Variants in HSD17B12 observed in about 807,000 individuals in gnomAD.
The protein encoded by HSD17B12 is hydroxysteroid 17-beta dehydrogenase 12, also known as very-long-chain 3-oxoacyl-CoA reductase.
HSD17B12 carries 32 observed loss-of-function variants against 39.3 expected under a neutral mutation model. The ratio of observed to expected loss-of-function variants is 0.81; its 90% CI spans 0.61 to 1.09. HSD17B12 has a LOEUF of 1.09. HSD17B12 is among the 50% of genes least tolerant of loss of function. HSD17B12 has a pLI of 0.00. For synonymous variants in HSD17B12, 150 were observed against 146.7 expected (o/e 1.02, Z -0.16); for missense variants, 342 against 382.9 (o/e 0.89, Z 0.89).
chr11:43,562,541 T>C, the HSD17B12 span, among the ~76,000 whole-genome samples: 1 of 152,246 alleles, frequency 6.6e-6, no homozygotes, highest in African/African-American at 2.4e-5. Context: ...CAAATGTCTA[T>C]CACTTTTATT....
intron 1 of HSD17B12, chr11:43,734,556 C>T: frequency 1.8e-6 from 1 of 546,692 alleles, no homozygotes. Context: ...GCCCCTCCAG[C>T]TGCCCCAGTG....
chr11:43,835,279 G>A (rs1037835291), intron 7 of HSD17B12, among the ~76,000 whole-genome samples: 6 of 152,068 alleles, frequency 3.9e-5, no homozygotes, highest in Admixed American at 1.3e-4. Flanking sequence ...CTGGTTTGAC[G>A]TCACTAATTC....
At chr11:43,854,276 C>CA (rs1344888234) in intron 9 of HSD17B12, 1 of 154,294 alleles carries the variant, frequency 6.5e-6, no homozygotes, top group East Asian at 1.9e-4. Flanking sequence ...GCTGATAGAA[C>CA]AAGCTTAATT....
the HSD17B12 span, among the ~76,000 whole-genome samples, chr11:43,557,644 T>C: frequency 6.6e-6 from 1 of 152,216 alleles, no homozygotes; most frequent in Non-Finnish European, 1.5e-5. Context: ...GGGAAATCTT[T>C]ATGCATGATA....
chr11:43,626,094 A>C, the HSD17B12 span, among the ~76,000 whole-genome samples: 2 of 151,610 alleles, frequency 1.3e-5, no homozygotes, highest in Admixed American at 1.3e-4. Context: ...ATTGCTTAAG[A>C]CTTTTTTATT....
intron 1 of HSD17B12, among the ~76,000 whole-genome samples, chr11:43,708,451 G>C (rs983058921): frequency 1.3e-5 from 2 of 152,146 alleles, no homozygotes; most frequent in Non-Finnish European, 2.9e-5. Context: ...GGTTTATAAA[G>C]AAAAGGCAGC....
chr11:43,567,916 C>G, the HSD17B12 span, among the ~76,000 whole-genome samples: 2 of 152,100 alleles, frequency 1.3e-5, no homozygotes, highest in African/African-American at 4.8e-5. Flanking sequence ...TAGTGACCCT[C>G]ATAATTCTTA....
intron 9 of HSD17B12, among the ~76,000 whole-genome samples, chr11:43,846,741 T>C (rs1053047771): frequency 1.3e-5 from 2 of 152,198 alleles, no homozygotes; most frequent in African/African-American, 4.8e-5. Flanking sequence ...CTGCCTGCTA[T>C]TTATTAGACC....
chr11:43,768,487 C>T (rs900998251), intron 3 of HSD17B12, among the ~76,000 whole-genome samples: 3 of 152,002 alleles, frequency 2.0e-5, no homozygotes, highest in Admixed American at 6.6e-5. Flanking sequence ...GGTTCTTGGT[C>T]TCACTGACTT....
At chr11:43,684,053 C>T (rs1949775166) in intron 1 of HSD17B12, among the ~76,000 whole-genome samples, 1 of 152,196 alleles carries the variant, frequency 6.6e-6, no homozygotes, top group Non-Finnish European at 1.5e-5. Flanking sequence ...GTTAGGCTTT[C>T]AAGACTGTCC....
chr11:43,797,495 A>G (rs1183552350), intron 3 of HSD17B12, among the ~76,000 whole-genome samples: 1 of 152,204 alleles, frequency 6.6e-6, no homozygotes, highest in Admixed American at 6.5e-5. Flanking sequence ...GTGAGGCTCA[A>G]AGAGGATGTG....
the HSD17B12 span, among the ~76,000 whole-genome samples, chr11:43,654,498 AG>A: frequency 6.6e-6 from 1 of 151,922 alleles, no homozygotes; most frequent in African/African-American, 2.4e-5. Context: ...GGTATTGCCT[AG>A]GTTTTCTTCT....
the HSD17B12 span, among the ~76,000 whole-genome samples, chr11:43,561,975 T>G: frequency 5.3e-5 from 8 of 152,206 alleles, no homozygotes; most frequent in African/African-American, 1.7e-4. Flanking sequence ...AGCTATGAAT[T>G]TGGCATCAAA....
the HSD17B12 span, among the ~76,000 whole-genome samples, chr11:43,670,691 GAC>G: frequency 6.6e-6 from 1 of 152,154 alleles, no homozygotes; most frequent in African/African-American, 2.4e-5. Flanking sequence ...AGGAGTTGGA[GAC>G]CAGCCTAGGC....
At chr11:43,768,982 T>C (rs1950624725) in intron 3 of HSD17B12, among the ~76,000 whole-genome samples, 1 of 152,214 alleles carries the variant, frequency 6.6e-6, no homozygotes, top group Non-Finnish European at 1.5e-5. Context: ...GACAGAAAAG[T>C]TCACGAAGTC....
chr11:43,663,641 C>G, the HSD17B12 span, among the ~76,000 whole-genome samples: 1 of 152,082 alleles, frequency 6.6e-6, no homozygotes, highest in African/African-American at 2.4e-5. Flanking sequence ...ACTTGGAAAC[C>G]TGTAGTCAAA....
rs1479608626 is a variant in HSD17B12, at chr11:43,830,980, C to CA, written c.507dup (p.Gln170ThrfsTer49). The CA allele has an allele frequency of 4.4e-6, 7 of 1,607,068 alleles. No individual in the cohort carries two copies. In the East Asian group the frequency reaches 1.6e-4, roughly 36 times the overall value. ...GTTTTGCTTTCTCTCTTGCAGATGA[C>CA]ACAATTGGTACTGCCTGGCATGGTG... On this transcript the variant is annotated frameshift_variant, in exon 7 of 11. Coordinates refer to ENST00000278353, the MANE Select transcript of HSD17B12 (RefSeq NM_016142.3). LOFTEE classifies it high-confidence loss of function.
intron 8 of HSD17B12, among the ~76,000 whole-genome samples, 178 bp downstream of exon 8, chr11:43,838,576 A>G (rs1951393741): frequency 6.6e-6 from 1 of 152,130 alleles, no homozygotes; most frequent in South Asian, 2.1e-4. Flanking sequence ...GAGACATACT[A>G]TATACTTACA....
intron 4 of HSD17B12, among the ~76,000 whole-genome samples, chr11:43,809,936 C>G (rs1175615450): frequency 6.6e-6 from 1 of 152,100 alleles, no homozygotes; most frequent in South Asian, 2.1e-4. Context: ...ACTTTTTCTC[C>G]TTTGATACAA....
Sources: allele counts gnomAD v4.1 joint callset (sites outside exome capture counted in the v4.1 genomes callset), GRCh38; gene constraint gnomAD v4.1.1; transcripts MANE v1.5; gene names NCBI Gene and HGNC (gene_info 2026-07-23, HGNC 2026-07-21).